Variants in ALDH3B1 observed in about 807,000 individuals in gnomAD.
The protein encoded by ALDH3B1 is aldehyde dehydrogenase family 3 member B1.
ALDH3B1 carries 37 observed loss-of-function variants against 46.2 expected under a neutral mutation model. The observed-to-expected ratio is 0.80, with a 90% CI of 0.62 to 1.05. ALDH3B1 has a LOEUF of 1.05. Ranked by LOEUF, ALDH3B1 falls within the 50% of genes least tolerant of loss-of-function variation. The pLI, the probability that ALDH3B1 is intolerant of heterozygous loss-of-function variation, is 0.00. For missense variants in ALDH3B1, 603 were observed against 665.5 expected (o/e 0.91, Z 1.03); for synonymous variants, 283 against 281.0 (o/e 1.01, Z -0.07).
chr11:68,015,678 T>G (rs748991923), intron 2 of ALDH3B1: 8 of 716,138 alleles, frequency 1.1e-5, no homozygotes, highest in African/African-American at 1.7e-5. Flanking sequence ...CCAGGTACTG[T>G]TCTAGGCTCT....
Position 68,027,756 on chromosome 11 carries a change from T to A in ALDH3B1, c.1224T>A (p.Ser408Arg). The stretch of plus-strand genomic sequence containing the variant: ...TTCTGTGCCACTGTACAGGTGCCAG[T>A]GGGATGGGCCGGTACCATGGCAAGT... ...ASLPFGGVGA[S>R]GMGRYHGKFS... The change falls in exon 10 of 10, where the codon AGT becomes AGA. Residue 408 changes from serine (S) to arginine (R), a missense_variant. By Grantham distance (110) the Ser-to-Arg change is moderately radical. Coordinates refer to ENST00000342456, the MANE Select transcript of ALDH3B1 (RefSeq NM_000694.4). 6 of 1,556,378 alleles carry A rather than the reference T, an allele frequency of 3.9e-6. No individual in the cohort carries two copies. The highest frequency in any genetic ancestry group is 5.2e-6 in the Non-Finnish European group (6 of 1,148,722).
intron 8 of ALDH3B1, among the ~76,000 whole-genome samples, chr11:68,025,746 A>G (rs945258188): frequency 6.6e-6 from 1 of 152,046 alleles, no homozygotes; most frequent in Non-Finnish European, 1.5e-5. Flanking sequence ...CCCTACCCCC[A>G]GCCCTAAGAG....
At chr11:68,026,538 A>C (rs1857627355) in intron 9 of ALDH3B1, among the ~76,000 whole-genome samples, 1 of 150,348 alleles carries the variant, frequency 6.7e-6, no homozygotes, top group Admixed American at 6.6e-5. Flanking sequence ...TCTCAGTACA[A>C]CACCTCCCCA....
At chr11:68,023,100 C>T (rs1165299432) in intron 8 of ALDH3B1, among the ~76,000 whole-genome samples, 1 of 152,200 alleles carries the variant, frequency 6.6e-6, no homozygotes, top group Non-Finnish European at 1.5e-5. Context: ...TCTGAAGGCA[C>T]AGGCAACGTG....
rs4646810 is a variant in ALDH3B1 at position 68,018,398 on chromosome 11, G to A, written c.163-129G>A. 2.2e-3 allele frequency: 1,643 copies of A among 752,094 alleles called. 44 individuals are homozygous for A. The East Asian group carries it at 0.042, about 19-fold the overall frequency. The allele number at this position is 752,094 out of a possible 1,614,324, so 46.6% of individuals were successfully genotyped here. A position where few individuals can be genotyped will look rare whatever the true frequency, so the allele number is the denominator to read the frequency against. ...ACAGGAAGCACGCACTGAACATGGA[G>A]TGAGTGAGTGAACGAATGAATGAAA... On this transcript the variant is annotated intron_variant, in intron 2 of 9. Transcript: ENST00000342456.
rs989153202 is a variant in ALDH3B1, at chr11:68,028,443, G to A, written c.*504G>A. On this transcript the variant is annotated 3_prime_UTR_variant, in exon 10 of 10. Coordinates refer to ENST00000342456, the MANE Select transcript of ALDH3B1 (RefSeq NM_000694.4). Reference sequence around the variant, plus strand: ...TGTAATCCCAGCACTTTGGGAGGCCGAGGCAGGCGGATCACCTGAAATCAG... The same window carrying A: ...TGTAATCCCAGCACTTTGGGAGGCCAAGGCAGGCGGATCACCTGAAATCAG... The A allele has an allele frequency of 5.6e-5, 14 of 249,684 alleles. No individual in the cohort carries two copies. Among genetic ancestry groups the A allele is most frequent in the Non-Finnish European group, 1.1e-4 (13 of 122,476 alleles). The allele number at this position is 249,684 out of a possible 1,614,324, so 15.5% of individuals were successfully genotyped here.
chr11:68,019,138 T>C, intron 4 of ALDH3B1, 32 bp from the exon 5 acceptor site: 1 of 1,592,242 alleles, frequency 6.3e-7, no homozygotes, highest in Non-Finnish European at 8.6e-7. Context: ...TGGCTACGCC[T>C]CCTCCAGCTC....
intron 1 of ALDH3B1, among the ~76,000 whole-genome samples, chr11:68,011,052 G>C (rs1302233124): frequency 6.6e-6 from 1 of 152,242 alleles, no homozygotes; most frequent in Non-Finnish European, 1.5e-5. Context: ...GGCTCCCCAA[G>C]GGAGGGGCTG....
intron 2 of ALDH3B1, 76 bp downstream of exon 2, chr11:68,015,535 G>A: frequency 1.3e-6 from 2 of 1,530,846 alleles, no homozygotes; most frequent in Non-Finnish European, 1.8e-6. Context: ...AGCAGGGGAT[G>A]AAGACACCTG....
chr11:68,008,945 G>A (rs1371736560), upstream of ALDH3B1, among the ~76,000 whole-genome samples: 3 of 152,020 alleles, frequency 2.0e-5, no homozygotes, highest in Admixed American at 6.5e-5. Flanking sequence ...TATCCGGGGC[G>A]GGCTGGGGGC....
intron 9 of ALDH3B1, among the ~76,000 whole-genome samples, chr11:68,026,398 A>G (rs1857623776): frequency 6.6e-6 from 1 of 152,126 alleles, no homozygotes; most frequent in South Asian, 2.1e-4. Flanking sequence ...AACTATGATC[A>G]CACTGCCCAC....
chr11:68,028,095 C>G lies in ALDH3B1; in HGVS notation c.*156C>G. 9.9e-7 allele frequency: 1 copy of G among 1,013,406 alleles called. No homozygotes were observed. The highest frequency in any genetic ancestry group is 1.3e-5 in the South Asian group (1 of 78,398). 62.8% of individuals were successfully genotyped at this position (1,013,406 alleles called of 1,614,324 possible). A position where few individuals can be genotyped will look rare whatever the true frequency, so the allele number is the denominator to read the frequency against. ...GCCTGCCTCCTCCCTCCTGGGTCTT[C>G]CCTCTCCCTGCCTCAGCCTCCTCCC... On this transcript the variant is annotated 3_prime_UTR_variant, in exon 10 of 10. Coordinates refer to ENST00000342456, the MANE Select transcript of ALDH3B1 (RefSeq NM_000694.4).
intron 2 of ALDH3B1, chr11:68,016,707 C>G (rs1472207162): frequency 6.6e-6 from 1 of 152,542 alleles, no homozygotes; most frequent in Non-Finnish European, 1.5e-5. Flanking sequence ...CAAAATATCT[C>G]CTCCCTTTGC....
At position 68,018,597 on chromosome 11, in the gene ALDH3B1, T is replaced by C. The variant is rs1454366806; in HGVS notation, c.233T>C (p.Leu78Pro). ...GAGGTCACCCTGGCCCTCAGGAACC[T>C]CCGGGCCTGGATGAAGGACGAGCGT... is the stretch of plus-strand genomic sequence containing the variant. ...QGEVTLALRN[L>P]RAWMKDERVP... Residue 78 changes from leucine (L) to proline (P), a missense_variant, in exon 3 of 10, where the codon CTC (leucine) becomes CCC (proline). Coordinates refer to ENST00000342456, the MANE Select transcript of ALDH3B1 (RefSeq NM_000694.4). 1 of 1,581,110 alleles carries C rather than the reference T, an allele frequency of 6.3e-7. No homozygotes were observed. The highest frequency in any genetic ancestry group is 2.3e-5 in the East Asian group (1 of 42,816).
chr11:68,027,926 G>T lies in ALDH3B1; in HGVS notation c.1394G>T (p.Cys465Phe). The T allele has an allele frequency of 6.4e-7, 1 of 1,555,836 alleles. No individual in the cohort carries two copies. ...LVAMEAQGCSCTLL is the reference protein window; with the variant it reads ...LVAMEAQGCSFTLL Reference sequence around the variant, plus strand: ...GCCATGGAGGCCCAAGGCTGCAGCTGCACACTGCTCTGAGCCCTTCCCCAG... The same window carrying T: ...GCCATGGAGGCCCAAGGCTGCAGCTTCACACTGCTCTGAGCCCTTCCCCAG... The change falls in exon 10 of 10, where the codon TGC becomes TTC. Residue 465 changes from cysteine to phenylalanine, a missense_variant. Transcript: ENST00000342456.
rs367688785 is a variant in ALDH3B1, at chr11:68,026,154, G to A, written c.1216+46G>A. 5.3e-5 allele frequency: 79 copies of A among 1,490,020 alleles called. No homozygotes were observed. The African/African-American group carries it at 1.0e-3, about 19-fold the overall frequency. The allele number at this position is 1,490,020 out of a possible 1,614,324, so 92.3% of individuals were successfully genotyped here. A position where few individuals can be genotyped will look rare whatever the true frequency, so the allele number is the denominator to read the frequency against. On this transcript the variant is annotated intron_variant, in intron 9 of 9. Coordinates refer to ENST00000342456, the MANE Select transcript of ALDH3B1 (RefSeq NM_000694.4). ...CCTTCTGTTACCATTTGGTCAAATT[G>A]CAATAGTGTTACCTGCATACATTTC...
chr11:68,026,166 C>G, intron 9 of ALDH3B1, 58 bp downstream of exon 9: 8 of 1,403,752 alleles, frequency 5.7e-6, no homozygotes, highest in Non-Finnish European at 5.8e-6. Flanking sequence ...AATAGTGTTA[C>G]CTGCATACAT....
rs1435690402 is a variant in ALDH3B1, at chr11:68,019,250, GA to G, written c.476del (p.Asp159AlafsTer19). 6.2e-7 allele frequency: 1 copy of G among 1,612,728 alleles called. No individual in the cohort carries two copies. The highest frequency in any genetic ancestry group is 1.7e-5 in the Admixed American group (1 of 59,864). On this transcript the variant is annotated frameshift_variant, in exon 5 of 10. Coordinates refer to ENST00000342456, the MANE Select transcript of ALDH3B1 (RefSeq NM_000694.4). LOFTEE classifies it high-confidence loss of function. ...GGCCGAGGTGCTGCCCCAATACGTG[GA>G]CCAGGTGAGCAGGGCTGCCGGGCAG... ...ILAEVLPQYVDQSCFAVVLGG... is the reference protein window; with the variant it reads ...ILAEVLPQYVXQSCFAVVLGG...
rs764608175 is a variant in ALDH3B1, at chr11:68,018,756, C to G, written c.274-17C>G. The G allele has an allele frequency of 1.3e-6, 2 of 1,550,948 alleles. No homozygotes were observed. The highest frequency in any genetic ancestry group is 1.4e-5 in the African/African-American group (1 of 73,072). On this transcript the variant is annotated splice_polypyrimidine_tract_variant and intron_variant, in intron 3 of 9. Transcript: ENST00000342456. Reference sequence around the variant, plus strand: ...GGGGTGCTGAGCACTTAATTTCATCCCCGGCTCCCGGCCCAGGCCACGCAG... The same window carrying G: ...GGGGTGCTGAGCACTTAATTTCATCGCCGGCTCCCGGCCCAGGCCACGCAG...
Sources: gnomAD v4.1 joint callset for allele counts (sites outside exome capture counted in the v4.1 genomes callset) on GRCh38, gnomAD v4.1.1 for gene constraint, MANE v1.5 for transcripts, NCBI Gene and HGNC (gene_info 2026-07-23, HGNC 2026-07-21) for gene names.